SLC8A3: variants seen among roughly 807,000 people sequenced by gnomAD.
SLC8A3 encodes sodium/calcium exchanger 3.
Under a neutral mutation model 65.4 loss-of-function variants are expected in SLC8A3, and 37 were observed. The ratio of observed to expected loss-of-function variants is 0.57; its 90% confidence interval spans 0.44 to 0.74. The LOEUF (loss-of-function observed/expected upper bound fraction) is 0.74. Among genes scored for constraint, SLC8A3 ranks in the 30% least tolerant of loss-of-function variants. The pLI is 0.00. For missense variants in SLC8A3, 1,112 were observed against 1,172.1 expected (o/e 0.95, Z 0.75); for synonymous variants, 461 against 444.5 (o/e 1.04, Z -0.47).
At chr14:70,094,810 C>G (rs749023028) in intron 2 of SLC8A3, among the ~76,000 whole-genome samples, 3 of 152,258 alleles carry the variant, frequency 2.0e-5, no homozygotes, top group Non-Finnish European at 2.9e-5. Context: ...TCTGCCAGGG[C>G]TGCTTATGTT....
chr14:70,125,399 T>G (rs1159895799), intron 2 of SLC8A3, among the ~76,000 whole-genome samples: 1 of 152,060 alleles, frequency 6.6e-6, no homozygotes, highest in Non-Finnish European at 1.5e-5. Context: ...ATTATTTAGC[T>G]CCCAATTGTA....
At chr14:70,171,613 C>A (rs963439189) in intron 1 of SLC8A3, among the ~76,000 whole-genome samples, 3 of 152,098 alleles carry the variant, frequency 2.0e-5, no homozygotes, top group Non-Finnish European at 4.4e-5. Flanking sequence ...CCAGCCTGAC[C>A]AACATGGCAA....
intron 2 of SLC8A3, among the ~76,000 whole-genome samples, chr14:70,094,690 G>A (rs1047444901): frequency 3.3e-5 from 5 of 152,224 alleles, no homozygotes; most frequent in Non-Finnish European, 5.9e-5. Flanking sequence ...AAGACAGAAT[G>A]TCCCCCCTGC....
At chr14:70,145,769 C>G (rs931938188) in intron 2 of SLC8A3, among the ~76,000 whole-genome samples, 3 of 152,208 alleles carry the variant, frequency 2.0e-5, no homozygotes, top group African/African-American at 7.2e-5. Flanking sequence ...CCCAGCCCTA[C>G]CTTTGGCCCT....
At chr14:70,137,527 T>A (rs1895285596) in intron 2 of SLC8A3, among the ~76,000 whole-genome samples, 1 of 152,182 alleles carries the variant, frequency 6.6e-6, no homozygotes, top group Non-Finnish European at 1.5e-5. Flanking sequence ...AACCAAATTG[T>A]AAAATGAGCA....
At chr14:70,140,452 G>C (rs1380448226) in intron 2 of SLC8A3, among the ~76,000 whole-genome samples, 1 of 152,212 alleles carries the variant, frequency 6.6e-6, no homozygotes, top group African/African-American at 2.4e-5. Flanking sequence ...AACTCCTGCA[G>C]AACACTGCCT....
At chr14:70,154,657 A>T (rs1594772125) in intron 2 of SLC8A3, among the ~76,000 whole-genome samples, 1 of 152,190 alleles carries the variant, frequency 6.6e-6, no homozygotes, top group Non-Finnish European at 1.5e-5. Context: ...TCATCTGTAC[A>T]TATTTACTTC....
chr14:70,163,110 TACATAGCAA>T (rs1896977767), intron 2 of SLC8A3, among the ~76,000 whole-genome samples: 1 of 152,260 alleles, frequency 6.6e-6, no homozygotes, highest in South Asian at 2.1e-4. Context: ...ATGTAGCTAG[TACATAGCAA>T]ATATCTAACA....
At chr14:70,147,784 CT>C (rs1354871734) in intron 2 of SLC8A3, among the ~76,000 whole-genome samples, 1 of 152,232 alleles carries the variant, frequency 6.6e-6, no homozygotes, top group Non-Finnish European at 1.5e-5. Flanking sequence ...CAGCTAACAC[CT>C]TAACTGCAGC....
At chr14:70,107,091 T>C (rs2140127911) in intron 2 of SLC8A3, among the ~76,000 whole-genome samples, 1 of 152,232 alleles carries the variant, frequency 6.6e-6, no homozygotes, top group South Asian at 2.1e-4. Context: ...GCTGGAAAGT[T>C]AGATTGGAGC....
At chr14:70,063,763 G>T in intron 2 of SLC8A3, 1 of 945,002 alleles carries the variant, frequency 1.1e-6, no homozygotes, top group Non-Finnish European at 1.7e-6. Flanking sequence ...GGGTTGGAGA[G>T]GAAGAAACAG....
chr14:70,093,742 G>T (rs1007092899), intron 2 of SLC8A3, among the ~76,000 whole-genome samples: 96 of 152,262 alleles, frequency 6.3e-4, no homozygotes, highest in African/African-American at 2.1e-3. Context: ...TGACTCAATT[G>T]TCAAACAAAG....
intron 2 of SLC8A3, among the ~76,000 whole-genome samples, chr14:70,110,407 T>G (rs1893208048): frequency 6.6e-6 from 1 of 150,666 alleles, no homozygotes; most frequent in Non-Finnish European, 1.5e-5. Context: ...ACTGTTTTGC[T>G]TTTTAGATCC....
chr14:70,165,940 A>C (rs963564769), intron 2 of SLC8A3, among the ~76,000 whole-genome samples: 1 of 152,244 alleles, frequency 6.6e-6, no homozygotes, highest in Admixed American at 6.5e-5. Context: ...AAAGACAAGT[A>C]GCCACTGCCC....
At chr14:70,066,201 T>C (rs1363607630) in intron 2 of SLC8A3, among the ~76,000 whole-genome samples, 1 of 152,210 alleles carries the variant, frequency 6.6e-6, no homozygotes, top group African/African-American at 2.4e-5. Flanking sequence ...GGCATCACTG[T>C]TGGGACTTAT....
intron 2 of SLC8A3, among the ~76,000 whole-genome samples, chr14:70,086,469 T>A (rs1891454454): frequency 6.7e-6 from 1 of 149,014 alleles, no homozygotes; most frequent in Non-Finnish European, 1.5e-5. Context: ...TGGCACGATC[T>A]TGGCTCACTG....
At chr14:70,114,088 C>T (rs1893492397) in intron 2 of SLC8A3, among the ~76,000 whole-genome samples, 1 of 152,084 alleles carries the variant, frequency 6.6e-6, no homozygotes, top group Admixed American at 6.5e-5. Context: ...TAAACTAAAG[C>T]CCCAGGTTAT....
chr14:70,095,553 A>G (rs1279808990), intron 2 of SLC8A3, among the ~76,000 whole-genome samples: 1 of 152,186 alleles, frequency 6.6e-6, no homozygotes, highest in African/African-American at 2.4e-5. Flanking sequence ...TGGCAGTTGC[A>G]TCTTTACTCC....
intron 2 of SLC8A3, among the ~76,000 whole-genome samples, chr14:70,123,451 A>ATT (rs138400053): frequency 6.3e-4 from 91 of 143,506 alleles, no homozygotes; most frequent in South Asian, 1.5e-3. Flanking sequence ...TTTCCTGTCT[A>ATT]TTTTTTTTTT....
Sources: allele counts gnomAD v4.1 joint callset (sites outside exome capture counted in the v4.1 genomes callset), GRCh38; gene constraint gnomAD v4.1.1; transcripts MANE v1.5; gene names NCBI Gene and HGNC (gene_info 2026-07-23, HGNC 2026-07-21).